The following GNA12 variants were observed in gnomAD, a reference collection of about 807,000 sequenced individuals.
GNA12 encodes guanine nucleotide-binding protein subunit alpha-12.
Under a neutral mutation model 26.0 loss-of-function variants are expected in GNA12, and 9 were observed. The observed-to-expected ratio is 0.35, with a 90% CI of 0.21 to 0.60. The LOEUF (loss-of-function observed/expected upper bound fraction) is 0.60, where lower values mean the gene tolerates loss of function less well. Among genes scored for constraint, GNA12 ranks in the 20% least tolerant of loss-of-function variants. The pLI is 0.78. For missense variants in GNA12, 405 were observed against 525.8 expected, an observed-to-expected ratio of 0.77 and a Z score of 2.25; for synonymous variants, 264 against 219.6, an observed-to-expected ratio of 1.20 and a Z score of -1.79.
intron 1 of GNA12, among the ~76,000 whole-genome samples, chr7:2,824,467 G>C (rs1793438461): frequency 6.6e-6 from 1 of 152,132 alleles, no homozygotes. Context: ...TGCCACCCCT[G>C]ACATGGACAC....
Position 2,762,618 on chromosome 7 carries a change from T to C in GNA12, c.526-29117A>G, listed in dbSNP as rs536236833. 2.6e-6 allele frequency: 4 copies of C among 1,551,392 alleles called. No individual in the cohort carries two copies. The South Asian group carries it at 4.8e-5, about 19-fold the overall frequency. On this transcript the variant is annotated intron_variant, in intron 2 of 3. Transcript: ENST00000275364. ...CAAAAAAGGACAATCCCCTTCCGGATAAGACCCCAATGCCATGAAGCACAG... is the reference window on the plus strand; with the variant it reads ...CAAAAAAGGACAATCCCCTTCCGGACAAGACCCCAATGCCATGAAGCACAG...
chr7:2,768,691 A>AAAAAAAAAAAAAAAAAAC (rs1562418608), intron 2 of GNA12, among the ~76,000 whole-genome samples: 1 of 142,590 alleles, frequency 7.0e-6, no homozygotes, highest in South Asian at 2.2e-4. Context: ...ACAAAACAAA[A>AAAAAAAAAAAAAAAAAAC]AAAAAAACAG....
chr7:2,825,383 GGA>G (rs1270607515), intron 1 of GNA12, among the ~76,000 whole-genome samples: 2 of 152,230 alleles, frequency 1.3e-5, no homozygotes, highest in African/African-American at 4.8e-5. Flanking sequence ...GACAGAAGCA[GGA>G]GAGAGGGCGG....
chr7:2,750,685 C>T (rs1209638622), intron 2 of GNA12, among the ~76,000 whole-genome samples: 1 of 152,188 alleles, frequency 6.6e-6, no homozygotes, highest in Non-Finnish European at 1.5e-5. Context: ...GAAGGTGAAG[C>T]CACGGACACG....
chr7:2,814,857 C>T (rs758917153), intron 1 of GNA12: 2 of 1,599,358 alleles, frequency 1.3e-6, no homozygotes, highest in Admixed American at 1.7e-5. Flanking sequence ...GCACTGCTCC[C>T]CTCCACAGCA....
intron 2 of GNA12, among the ~76,000 whole-genome samples, chr7:2,793,746 G>C (rs566654797): frequency 6.6e-6 from 1 of 151,864 alleles, no homozygotes; most frequent in Admixed American, 6.6e-5. Flanking sequence ...TAGCTGGTGT[G>C]GTGGTGGGTG....
At chr7:2,741,981 TGC>T in intron 2 of GNA12, among the ~76,000 whole-genome samples, 1 of 152,022 alleles carries the variant, frequency 6.6e-6, no homozygotes, top group Admixed American at 6.6e-5. Flanking sequence ...GTAGTTATCA[TGC>T]CTCTTTAGTT....
At chr7:2,804,824 C>T (rs894025549) in intron 1 of GNA12, among the ~76,000 whole-genome samples, 18 of 151,712 alleles carry the variant, frequency 1.2e-4, no homozygotes, top group Non-Finnish European at 1.5e-5. Flanking sequence ...TTTGGGAAGC[C>T]GAGGCGGGAG....
chr7:2,840,777 G>A (rs1467036432), intron 1 of GNA12, among the ~76,000 whole-genome samples: 1 of 152,080 alleles, frequency 6.6e-6, no homozygotes, highest in East Asian at 1.9e-4. Flanking sequence ...TTGAGCCCAC[G>A]AGGCGACGCA....
chr7:2,757,528 G>C (rs1791361151), intron 2 of GNA12, among the ~76,000 whole-genome samples: 1 of 152,138 alleles, frequency 6.6e-6, no homozygotes, highest in African/African-American at 2.4e-5. Context: ...GCTTGAAAAA[G>C]GATGACAAGC....
At chr7:2,767,550 C>T (rs541254675) in intron 2 of GNA12, among the ~76,000 whole-genome samples, 1 of 152,328 alleles carries the variant, frequency 6.6e-6, no homozygotes, top group South Asian at 2.1e-4. Context: ...ACAACTGTGA[C>T]ATGAATACCC....
chr7:2,815,089 C>A, intron 1 of GNA12: 1 of 1,257,082 alleles, frequency 8.0e-7, no homozygotes, highest in South Asian at 1.5e-5. Flanking sequence ...CAACAGAGAA[C>A]CAGACAGACA....
Position 2,728,781 on chromosome 7 carries a change from C to T in GNA12, c.*2400G>A, listed in dbSNP as rs551454529. 4.6e-5 allele frequency: 7 copies of T among 152,480 alleles called. No homozygotes were observed. In the East Asian group the frequency reaches 1.3e-3, roughly 29 times the overall value. The allele number at this position is 152,480 out of a possible 1,614,324, so 9.4% of individuals were successfully genotyped here. A position where few individuals can be genotyped will look rare whatever the true frequency, so the allele number is the denominator to read the frequency against. ...GCAGAGTTTCCTTCTTCTCCAATTA[C>T]AATGTGTTACAGAATTTGGAAGGGG... On this transcript the variant is annotated 3_prime_UTR_variant, in exon 4 of 4. Transcript: ENST00000275364.
intron 2 of GNA12, among the ~76,000 whole-genome samples, chr7:2,750,153 A>C (rs1790960627): frequency 6.6e-6 from 1 of 152,198 alleles, no homozygotes; most frequent in Non-Finnish European, 1.5e-5. Context: ...CTCCGGTCTG[A>C]CATGTAAAGG....
chr7:2,761,355 C>T (rs1791546175), intron 2 of GNA12, among the ~76,000 whole-genome samples: 1 of 152,252 alleles, frequency 6.6e-6, no homozygotes, highest in Admixed American at 6.5e-5. Flanking sequence ...GGTGGGCACG[C>T]AGATGGCAGC....
At chr7:2,812,990 C>A (rs1407309923) in intron 1 of GNA12, among the ~76,000 whole-genome samples, 1 of 152,190 alleles carries the variant, frequency 6.6e-6, no homozygotes, top group Non-Finnish European at 1.5e-5. Flanking sequence ...GTCGCCCAGG[C>A]TGCTGTGCTG....
chr7:2,836,950 A>C (rs1778856433), intron 1 of GNA12, among the ~76,000 whole-genome samples: 1 of 152,150 alleles, frequency 6.6e-6, no homozygotes, highest in Non-Finnish European at 1.5e-5. Flanking sequence ...CAAATACAAG[A>C]GAAAACATCA....
chr7:2,829,758 G>T (rs905744862), intron 1 of GNA12, among the ~76,000 whole-genome samples: 2 of 152,126 alleles, frequency 1.3e-5, no homozygotes, highest in African/African-American at 2.4e-5. Context: ...CTGCCATGTT[G>T]TCCCTTTCCA....
At chr7:2,820,363 AG>A (rs1422508000) in intron 1 of GNA12, among the ~76,000 whole-genome samples, 1 of 145,826 alleles carries the variant, frequency 6.9e-6, no homozygotes, top group African/African-American at 2.5e-5. Flanking sequence ...GCTTTAAATG[AG>A]GGCATGGTAT....
Sources: allele counts gnomAD v4.1 joint callset (sites outside exome capture counted in the v4.1 genomes callset), GRCh38; gene constraint gnomAD v4.1.1; transcripts MANE v1.5; gene names NCBI Gene and HGNC (gene_info 2026-07-23, HGNC 2026-07-21).